Variants in ARHGAP39 observed in about 807,000 individuals in gnomAD.
ARHGAP39 encodes Rho GTPase activating protein 39.
ARHGAP39 carries 44 observed loss-of-function variants against 106.9 expected under a neutral mutation model. The ratio of observed to expected loss-of-function variants is 0.41; its 90% CI spans 0.32 to 0.53. ARHGAP39 has a LOEUF of 0.53. Among genes scored for constraint, ARHGAP39 ranks in the 20% least tolerant of loss-of-function variants. The pLI, the probability that ARHGAP39 is intolerant of heterozygous loss-of-function variation, is 0.21. For missense variants in ARHGAP39, 1,496 were observed against 1,577.3 expected (o/e 0.95, Z 0.87); for synonymous variants, 768 against 693.2 (o/e 1.11, Z -1.69).
intron 2 of ARHGAP39, among the ~76,000 whole-genome samples, chr8:144,582,253 C>T (rs573775873): frequency 1.2e-3 from 186 of 152,312 alleles, no homozygotes; most frequent in Admixed American, 2.9e-3. Context: ...CCCTGGCGGC[C>T]GGCGCAGACT....
chr8:144,652,130 A>G (rs1821588526), intron 1 of ARHGAP39, among the ~76,000 whole-genome samples: 1 of 152,190 alleles, frequency 6.6e-6, no homozygotes, highest in South Asian at 2.1e-4. Context: ...TAAACAGGCA[A>G]CCTATAGAAT....
At chr8:144,639,342 G>C (rs199620087) in intron 1 of ARHGAP39, among the ~76,000 whole-genome samples, 1 of 135,954 alleles carries the variant, frequency 7.4e-6, no homozygotes, top group East Asian at 2.1e-4. Flanking sequence ...AAAAAAAAAA[G>C]AAAGAAAGAA....
rs1821366699 is a variant in ARHGAP39 at position 144,643,617 on chromosome 8, T to C, written c.-81-37922A>G. Reference sequence around the variant, plus strand: ...CCCTGGGACCTCAACTCTGATACTCTGGTCTATGCCTCCACTCGACTGAAA... The same window carrying C: ...CCCTGGGACCTCAACTCTGATACTCCGGTCTATGCCTCCACTCGACTGAAA... On this transcript the variant is annotated intron_variant, in intron 1 of 11. Transcript: ENST00000377307. Among the ~76,000 whole-genome samples the C allele has an allele frequency of 2.6e-5, 4 of 152,152 alleles. 1 individual carries two copies. In the South Asian group the frequency reaches 8.3e-4, roughly 32 times the overall value.
At chr8:144,580,274 C>A (rs1818922888) in intron 3 of ARHGAP39, among the ~76,000 whole-genome samples, 1 of 152,136 alleles carries the variant, frequency 6.6e-6, no homozygotes. Context: ...ACACCCTCCA[C>A]CTGGGTCCCC....
Position 144,533,249 on chromosome 8 carries a change from G to A in ARHGAP39, c.2765C>T (p.Ala922Val). ...AVFSPSMFGS[A>V]LQEVMGMQRE... ...CTGCATGCCCATGACCTCCTGCAGT[G>A]CGCTGCCGAACATGGACGGGCTGAA... The change falls in exon 9 of 12, where the codon GCA becomes GTA. Residue 922 changes from alanine to valine, a missense_variant. Transcript: ENST00000377307. 2 of 1,613,148 alleles carry A rather than the reference G, an allele frequency of 1.2e-6. No individual in the cohort carries two copies. The highest frequency in any genetic ancestry group is 1.7e-6 in the Non-Finnish European group (2 of 1,179,980).
intron 6 of ARHGAP39, among the ~76,000 whole-genome samples, chr8:144,540,904 T>A (rs183618577): frequency 1.1e-4 from 17 of 152,340 alleles, no homozygotes; most frequent in Middle Eastern, 6.8e-3. Flanking sequence ...CAGGCTAGAG[T>A]GCAATGGCAA....
rs766664873 is a variant in ARHGAP39, at chr8:144,545,682, G to A, written c.2088C>T (p.Asn696=). The A allele has an allele frequency of 6.2e-7, 1 of 1,613,444 alleles. No individual in the cohort carries two copies. ...GCTTGTTGAAGTGCTTGGAGGCCCA[G>A]TTCTCGATGTCCGTCTCCGAGGAGG... ...RKPSSETDIE[N]WASKHFNKHT... is the part of the protein sequence containing the mutation. Residue 696 remains asparagine, a synonymous_variant, in exon 6 of 12, where the codon AAC becomes AAT. Transcript: ENST00000377307.
At chr8:144,656,320 C>G (rs1190186549) in intron 1 of ARHGAP39, among the ~76,000 whole-genome samples, 1 of 151,864 alleles carries the variant, frequency 6.6e-6, no homozygotes. Context: ...TAGCGAGACC[C>G]CATCTCTACA....
chr8:144,554,714 G>A (rs1361448496), intron 4 of ARHGAP39, among the ~76,000 whole-genome samples: 6 of 152,130 alleles, frequency 3.9e-5, no homozygotes, highest in East Asian at 3.8e-4. Context: ...ACGGAAGCTC[G>A]GGAAGGCTAT....
intron 7 of ARHGAP39, among the ~76,000 whole-genome samples, chr8:144,534,477 A>T (rs964872595): frequency 6.6e-6 from 1 of 152,190 alleles, no homozygotes; most frequent in Non-Finnish European, 1.5e-5. Context: ...AGGAACAGGA[A>T]GGGCAGGACC....
At chr8:144,610,919 C>T (rs187754666) in intron 1 of ARHGAP39, among the ~76,000 whole-genome samples, 10 of 152,106 alleles carry the variant, frequency 6.6e-5, no homozygotes, top group Admixed American at 4.6e-4. Context: ...CAGGTTCAAG[C>T]GATTCTCCTG....
At chr8:144,667,461 T>A (rs1821992163) in intron 1 of ARHGAP39, among the ~76,000 whole-genome samples, 2 of 152,178 alleles carry the variant, frequency 1.3e-5, no homozygotes. Context: ...ACTGCAGATG[T>A]CACATGTCAC....
At chr8:144,632,822 G>A (rs1821096280) in intron 1 of ARHGAP39, among the ~76,000 whole-genome samples, 1 of 152,146 alleles carries the variant, frequency 6.6e-6, no homozygotes, top group Non-Finnish European at 1.5e-5. Context: ...TGCTGTCAAA[G>A]AGAAAATACT....
At chr8:144,622,566 G>A (rs558455616) in intron 1 of ARHGAP39, among the ~76,000 whole-genome samples, 75 of 152,190 alleles carry the variant, frequency 4.9e-4, no homozygotes, top group African/African-American at 1.7e-3. Context: ...CCTCAGGTGC[G>A]AGCCCAGCCC....
chr8:144,632,019 C>T (rs1233568384), intron 1 of ARHGAP39, among the ~76,000 whole-genome samples: 1 of 152,160 alleles, frequency 6.6e-6, no homozygotes, highest in Non-Finnish European at 1.5e-5. Context: ...CTGGTTCTCA[C>T]CCTGTGAGCC....
In ARHGAP39 at chr8:144,548,189, C is replaced by A. The variant is rs1269197988; in HGVS notation, c.897G>T (p.Ser299=). The A allele has an allele frequency of 1.3e-6, 2 of 1,580,996 alleles. No homozygotes were observed. Among genetic ancestry groups the A allele is most frequent in the Non-Finnish European group, 1.7e-6 (2 of 1,162,752 alleles). ...LAQPRKPSGD[S]QPSSPRYGYE... ...AGCCATAGCGCGGGGAGGAGGGCTG[C>A]GAGTCCCCGGAGGGCTTTCGGGGCT... is the stretch of plus-strand genomic sequence containing the variant. Residue 299 remains serine, a synonymous_variant, in exon 5 of 12, where the codon TCG becomes TCT. Coordinates refer to ENST00000377307, the MANE Select transcript of ARHGAP39 (RefSeq NM_025251.3). This position sits in a 1 kb window ranked among gnomAD's most constrained non-coding sequence, Gnocchi z 7.4.
chr8:144,541,294 T>C (rs1817181559), intron 6 of ARHGAP39, among the ~76,000 whole-genome samples: 1 of 152,256 alleles, frequency 6.6e-6, no homozygotes, highest in South Asian at 2.1e-4. Flanking sequence ...CGGCCCAGGA[T>C]TTACCGTTTG....
intron 1 of ARHGAP39, among the ~76,000 whole-genome samples, chr8:144,667,244 C>T (rs1821987709): frequency 6.6e-6 from 1 of 152,190 alleles, no homozygotes; most frequent in African/African-American, 2.4e-5. Flanking sequence ...ACAGGCTGCC[C>T]TCCAGCACTG....
chr8:144,622,750 G>A (rs1398794512), intron 1 of ARHGAP39, among the ~76,000 whole-genome samples: 1 of 152,236 alleles, frequency 6.6e-6, no homozygotes, highest in East Asian at 1.9e-4. Context: ...CAGAACCTTA[G>A]AGAACAAAAC....
Sources: allele counts gnomAD v4.1 joint callset (sites outside exome capture counted in the v4.1 genomes callset), GRCh38; gene constraint gnomAD v4.1.1; non-coding constraint Gnocchi (gnomAD v3.1); transcripts MANE v1.5; gene names NCBI Gene and HGNC (gene_info 2026-07-23, HGNC 2026-07-21).